The following TMEM200A variants were observed in gnomAD, a reference collection of about 807,000 sequenced individuals.
TMEM200A encodes the protein two transmembrane C.
TMEM200A carries 12 observed loss-of-function variants against 24.3 expected under a neutral mutation model. The observed-to-expected ratio is 0.49, with a 90% confidence interval of 0.32 to 0.80. TMEM200A has a LOEUF of 0.80. Among genes scored for constraint, TMEM200A ranks in the 30% least tolerant of loss-of-function variants. The probability of loss-of-function intolerance (pLI) is 0.04; values close to 1 mark genes in which losing one functional copy is unlikely to be tolerated. For synonymous variants in TMEM200A, 224 were observed against 224.4 expected, an observed-to-expected ratio of 1.00 and a Z score of 0.02; for missense variants, 545 against 614.4, an observed-to-expected ratio of 0.89 and a Z score of 1.19.
intron 1 of TMEM200A, among the ~76,000 whole-genome samples, chr6:130,379,212 G>C (rs1020913703): frequency 1.3e-5 from 2 of 151,954 alleles, no homozygotes; most frequent in Admixed American, 1.3e-4. Context: ...TTTTGTTGTT[G>C]ATTGAGAACT....
At chr6:130,381,919 T>C in intron 1 of TMEM200A, 1 of 985,464 alleles carries the variant, frequency 1.0e-6, no homozygotes, top group South Asian at 4.7e-5. Context: ...TTCTCTGATC[T>C]GTGGCTTCCT....
chr6:130,436,038 C>A (rs1050327127), intron 2 of TMEM200A, among the ~76,000 whole-genome samples: 2 of 152,114 alleles, frequency 1.3e-5, no homozygotes, highest in Non-Finnish European at 2.9e-5. Context: ...AAAGGCAGAG[C>A]AGCATTCTTT....
chr6:130,407,113 T>A (rs1350532561), intron 2 of TMEM200A, among the ~76,000 whole-genome samples: 1 of 152,148 alleles, frequency 6.6e-6, no homozygotes, highest in Non-Finnish European at 1.5e-5. Flanking sequence ...CGCTTGGAAT[T>A]ATAATTGTAT....
In TMEM200A at chr6:130,413,518, C is replaced by A. The variant is rs1779379420; in HGVS notation, c.-16-26889C>A. On this transcript the variant is annotated intron_variant, in intron 2 of 2. Coordinates refer to ENST00000296978, the MANE Select transcript of TMEM200A (RefSeq NM_001258277.2). ...GTCAATAAATGGCACAGCCATCCCC[C>A]CCACTAGAGATCTGGAAATTCCCTT... Among the ~76,000 whole-genome samples the A allele has an allele frequency of 2.0e-5, 3 of 152,278 alleles. No homozygotes were observed. In the South Asian group the frequency reaches 6.2e-4, roughly 32 times the overall value.
In TMEM200A at chr6:130,440,432, A is replaced by G. The variant is rs772270884; in HGVS notation, c.10A>G (p.Thr4Ala). MIA[T>A]GGVITGLAAL... The stretch of plus-strand genomic sequence containing the variant: ...AGTAAAAGGCCAAGCTATGATAGCA[A>G]CTGGTGGAGTGATAACTGGCCTGGC... The change falls in exon 3 of 3, where the codon ACT becomes GCT. Residue 4 changes from threonine to alanine, a missense_variant. Coordinates refer to ENST00000296978, the MANE Select transcript of TMEM200A (RefSeq NM_001258277.2). The G allele has an allele frequency of 3.2e-6, 5 of 1,559,662 alleles. No homozygotes were observed. The highest frequency in any genetic ancestry group is 1.2e-5 in the South Asian group (1 of 82,446).
At chr6:130,392,351 C>T (rs563923158) in intron 2 of TMEM200A, among the ~76,000 whole-genome samples, 17 of 152,324 alleles carry the variant, frequency 1.1e-4, no homozygotes, top group African/African-American at 4.1e-4. Context: ...TTTGCCCTCA[C>T]TATTTCCCTG....
intron 2 of TMEM200A, among the ~76,000 whole-genome samples, chr6:130,413,038 G>T (rs560824784): frequency 6.6e-6 from 1 of 152,106 alleles, no homozygotes; most frequent in African/African-American, 2.4e-5. Flanking sequence ...GTCTTCAGAG[G>T]ATTTTGTGTC....
chr6:130,427,546 A>G (rs1179296330), intron 2 of TMEM200A, among the ~76,000 whole-genome samples: 1 of 148,958 alleles, frequency 6.7e-6, no homozygotes, highest in Non-Finnish European at 1.5e-5. Context: ...GAAAGAATTC[A>G]TAGAAGGGAA....
At chr6:130,382,041 G>T in intron 1 of TMEM200A, 1 of 870,746 alleles carries the variant, frequency 1.1e-6, no homozygotes, top group Non-Finnish European at 1.4e-6. Context: ...GGCTACTTAT[G>T]ATTCAGTTGA....
At chr6:130,411,819 G>T (rs897272405) in intron 2 of TMEM200A, among the ~76,000 whole-genome samples, 1 of 152,164 alleles carries the variant, frequency 6.6e-6, no homozygotes, top group Non-Finnish European at 1.5e-5. Context: ...TTGGTCACTT[G>T]ATTAGGCATG....
intron 2 of TMEM200A, among the ~76,000 whole-genome samples, chr6:130,427,836 TTC>T (rs1779783981): frequency 6.6e-6 from 1 of 152,286 alleles, no homozygotes; most frequent in African/African-American, 2.4e-5. Flanking sequence ...AACAGAACAT[TTC>T]TGTTTTTTTC....
intron 1 of TMEM200A, among the ~76,000 whole-genome samples, chr6:130,375,558 T>C (rs1778435022): frequency 6.6e-6 from 1 of 152,106 alleles, no homozygotes; most frequent in African/African-American, 2.4e-5. Context: ...ATTCAAAAAG[T>C]GCTGTAAGGG....
intron 2 of TMEM200A, among the ~76,000 whole-genome samples, chr6:130,410,332 C>T (rs1779302783): frequency 6.6e-6 from 1 of 152,148 alleles, no homozygotes; most frequent in Admixed American, 6.6e-5. Flanking sequence ...TTCAGATGGA[C>T]TCAAAATCTC....
chr6:130,400,076 A>G, intron 2 of TMEM200A, among the ~76,000 whole-genome samples: 1 of 151,858 alleles, frequency 6.6e-6, no homozygotes, highest in South Asian at 2.1e-4. Context: ...ACACATATAT[A>G]TGTATATGTA....
At chr6:130,382,119 T>C (rs1186031799) in intron 1 of TMEM200A, 1 of 280,220 alleles carries the variant, frequency 3.6e-6, no homozygotes, top group Non-Finnish European at 5.4e-6. Context: ...ATTAGAGCAT[T>C]ACTACCTAAG....
chr6:130,401,360 CCT>C lies in TMEM200A; in HGVS notation c.-17+16125_-17+16126del, dbSNP rs538701858. Among the ~76,000 whole-genome samples the C allele has an allele frequency of 1.6e-4, 24 of 150,958 alleles. 1 individual carries two copies. Among genetic ancestry groups the C allele is most frequent in the African/African-American group, 5.8e-4 (24 of 41,148 alleles). ...GATAATTTAGATCCCTTCCTTTCTT[CCT>C]TCCTCCCTCCCCCTGCTTGCTTGCT... is the stretch of plus-strand genomic sequence containing the variant. On this transcript the variant is annotated intron_variant, in intron 2 of 2. Coordinates refer to ENST00000296978, the MANE Select transcript of TMEM200A (RefSeq NM_001258277.2).
chr6:130,399,266 A>T (rs1474949634), intron 2 of TMEM200A, among the ~76,000 whole-genome samples: 6 of 152,058 alleles, frequency 3.9e-5, no homozygotes, highest in African/African-American at 1.4e-4. Flanking sequence ...ATTTAAAAAA[A>T]TTCTTCAGAA....
chr6:130,387,342 G>A (rs993537947), intron 2 of TMEM200A, among the ~76,000 whole-genome samples: 18 of 152,186 alleles, frequency 1.2e-4, no homozygotes, highest in African/African-American at 2.2e-4. Flanking sequence ...GCGTGATCTC[G>A]GCTGACTGCA....
chr6:130,369,683 A>G (rs566042744), intron 1 of TMEM200A, among the ~76,000 whole-genome samples: 47 of 152,346 alleles, frequency 3.1e-4, no homozygotes, highest in African/African-American at 1.1e-3. Context: ...TGCATTTCAT[A>G]TAAAGGCGAG....
Sources: gnomAD v4.1 joint callset for allele counts (sites outside exome capture counted in the v4.1 genomes callset) on GRCh38, gnomAD v4.1.1 for gene constraint, MANE v1.5 for transcripts, NCBI Gene and HGNC (gene_info 2026-07-23, HGNC 2026-07-21) for gene names.